The following AMIGO3 variants were observed in gnomAD, a reference collection of about 807,000 sequenced individuals.
AMIGO3 encodes the protein amphoterin-induced protein 3.
Under a neutral mutation model 4.3 loss-of-function variants are expected in AMIGO3, and 6 were observed. The ratio of observed to expected loss-of-function variants is 1.39; its 90% CI spans 0.76 to 2.75. The LOEUF (loss-of-function observed/expected upper bound fraction) is 2.75, where lower values mean the gene tolerates loss of function less well. Among genes scored for constraint, AMIGO3 ranks in the 30% most tolerant of loss-of-function variants. The pLI is 0.00. For synonymous variants in AMIGO3, 315 were observed against 320.0 expected (o/e 0.98, Z 0.17); for missense variants, 771 against 692.1 (o/e 1.11, Z -1.28).
At position 49,719,055 on chromosome 3, in the gene AMIGO3, C is replaced by CGA. The variant is rs750209485; in HGVS notation, c.410_411insTC (p.Lys137AsnfsTer45). 6.2e-7 allele frequency: 1 copy of CGA among 1,613,864 alleles called. No individual in the cohort carries two copies. On this transcript the variant is annotated frameshift_variant, in exon 1 of 1. Coordinates refer to ENST00000320431, the MANE Select transcript of AMIGO3 (RefSeq NM_198722.3). LOFTEE classifies it low-confidence loss of function (END_TRUNC). ...CCAAGCGGTTATTGAACAGAAGCAGCTTCTCCAGCGCCCCCAGCCCGTCGA... is the reference window on the plus strand; with the variant it reads ...CCAAGCGGTTATTGAACAGAAGCAGCGATTCTCCAGCGCCCCCAGCCCGTCGA...
In AMIGO3 at chr3:49,719,173, T is replaced by G. The variant is rs918773646; in HGVS notation, c.293A>C (p.Asp98Ala). The change falls in exon 1 of 1, where the codon GAT (aspartate) becomes GCT (alanine). Residue 98 changes from aspartate to alanine, a missense_variant. Coordinates refer to ENST00000320431, the MANE Select transcript of AMIGO3 (RefSeq NM_198722.3). The stretch of plus-strand genomic sequence containing the variant: ...GACGAAGACGCCGCGACCCAGCGCA[T>G]CTAGTTCGTTGTGGTCTAGGTGCAG... ...RALHLDHNELDALGRGVFVNA... is the reference protein window; with the variant it reads ...RALHLDHNELAALGRGVFVNA... 2 of 1,613,424 alleles carry G rather than the reference T, an allele frequency of 1.2e-6. No individual in the cohort carries two copies. The highest frequency in any genetic ancestry group is 1.7e-5 in the Admixed American group (1 of 60,022).
At position 49,719,493 on chromosome 3, in the gene AMIGO3, G is replaced by A. The variant is rs2080339465; in HGVS notation, c.-28C>T. On this transcript the variant is annotated 5_prime_UTR_variant, in exon 1 of 1. Coordinates refer to ENST00000320431, the MANE Select transcript of AMIGO3 (RefSeq NM_198722.3). ...CGGCGACCACCAGGGACAGTACAGA[G>A]CAGCTCTGTGCAGGTTGCAGTTCCA... The A allele has an allele frequency of 1.3e-6, 2 of 1,558,580 alleles. No individual in the cohort carries two copies. The highest frequency in any genetic ancestry group is 1.7e-6 in the Non-Finnish European group (2 of 1,144,904).
At position 49,719,620 on chromosome 3, in the gene AMIGO3, G is replaced by T; in HGVS notation, c.-155C>A. 1 of 648,238 alleles carries T rather than the reference G, an allele frequency of 1.5e-6. No individual in the cohort carries two copies. Among genetic ancestry groups the T allele is most frequent in the Non-Finnish European group, 2.7e-6 (1 of 375,528 alleles). The allele number at this position is 648,238 out of a possible 1,614,324, so 40.2% of individuals were successfully genotyped here. A position where few individuals can be genotyped will look rare whatever the true frequency, so the allele number is the denominator to read the frequency against. ...GCCAGCCGACGGCCCCTACTCTCCG[G>T]TTCCCAGGTTGTGAGGCGGTGCGGC... On this transcript the variant is annotated 5_prime_UTR_variant, in exon 1 of 1. Transcript: ENST00000320431.
In AMIGO3 at chr3:49,719,276, C is replaced by T. The variant is rs1447394034; in HGVS notation, c.190G>A (p.Ala64Thr). Residue 64 changes from alanine to threonine, a missense_variant, in exon 1 of 1, where the codon GCG becomes ACG. Transcript: ENST00000320431. ...GCGTTGTGGCTCAGGTCGAGGTCCG[C>T]AGTAGCGGCAGGTAACTCGGCTGGC... The part of the protein sequence containing the change: ...DVPAELPAAT[A>T]DLDLSHNALQ... 1 of 1,613,424 alleles carries T rather than the reference C, an allele frequency of 6.2e-7. No individual in the cohort carries two copies. The highest frequency in any genetic ancestry group is 1.1e-5 in the South Asian group (1 of 91,076).
Position 49,718,260 on chromosome 3 carries a change from C to G in AMIGO3, c.1206G>C (p.Leu402=). 1.2e-6 allele frequency: 2 copies of G among 1,612,314 alleles called. No homozygotes were observed. The highest frequency in any genetic ancestry group is 8.5e-7 in the Non-Finnish European group (1 of 1,179,512). The change falls in exon 1 of 1, where the codon CTG becomes CTC. Residue 402 remains leucine (L), a synonymous_variant. Coordinates refer to ENST00000320431, the MANE Select transcript of AMIGO3 (RefSeq NM_198722.3). ...AVGLVLVLLY[L]FAPPCRCCRR... Reference sequence around the variant, plus strand: ...GGCAGCAGCGGCAGGGTGGGGCGAACAGGTAGAGCAGCACGAGCACAAGGC... The same window carrying G: ...GGCAGCAGCGGCAGGGTGGGGCGAAGAGGTAGAGCAGCACGAGCACAAGGC...
chr3:49,718,715 A>G lies in AMIGO3; in HGVS notation c.751T>C (p.Cys251Arg), dbSNP rs749887744. The G allele has an allele frequency of 9.3e-6, 15 of 1,612,868 alleles. No individual in the cohort carries two copies. Among genetic ancestry groups the G allele is most frequent in the Non-Finnish European group, 1.1e-5 (13 of 1,179,934 alleles). Residue 251 changes from cysteine (C) to arginine (R), a missense_variant, in exon 1 of 1, where the codon TGC (cysteine) becomes CGC (arginine). Physicochemically the swap from Cys to Arg is radical, Grantham distance 180. Transcript: ENST00000320431. ...GACGCGGGTACCTTGAAGGCCAAGC[A>G]TACGTACTCGCGCGCAAAGTCGCGC... ...AVRDFAREYV[C>R]LAFKVPASRV...
Position 49,718,743 on chromosome 3 carries a change from G to A in AMIGO3, c.723C>T (p.Ala241=). ...CGTACTCGCGCGCAAAGTCGCGCAC[G>A]GCGCTCAGGCCCCGCTGGTGCCAGC... is the stretch of plus-strand genomic sequence containing the variant. The part of the protein sequence containing the change: ...LQRWHQRGLS[A]VRDFAREYVC... Residue 241 remains alanine, a synonymous_variant, in exon 1 of 1, where the codon GCC becomes GCT. Transcript: ENST00000320431. 2 of 1,613,118 alleles carry A rather than the reference G, an allele frequency of 1.2e-6. No homozygotes were observed. The highest frequency in any genetic ancestry group is 1.7e-6 in the Non-Finnish European group (2 of 1,179,984).
rs2080272806 is a variant in AMIGO3 at position 49,717,545 on chromosome 3, CCT to C, written c.*404_*405del. 4.2e-6 allele frequency: 1 copy of C among 238,912 alleles called. No individual in the cohort carries two copies. The highest frequency in any genetic ancestry group is 2.3e-5 in the African/African-American group (1 of 43,588). 14.8% of individuals were successfully genotyped at this position (238,912 alleles called of 1,614,324 possible). On this transcript the variant is annotated 3_prime_UTR_variant, in exon 1 of 1. Transcript: ENST00000320431. ...CCACTCCTCGAGAGCTGTCTCAGCC[CCT>C]GAGGGTGGACGGGAGGCTCTGCTAC... is the stretch of plus-strand genomic sequence containing the variant.
chr3:49,717,566 CT>C lies in AMIGO3; in HGVS notation c.*384del. On this transcript the variant is annotated 3_prime_UTR_variant, in exon 1 of 1. Coordinates refer to ENST00000320431, the MANE Select transcript of AMIGO3 (RefSeq NM_198722.3). Reference sequence around the variant, plus strand: ...AGCCCCTGAGGGTGGACGGGAGGCTCTGCTACAGGGGTTCTTCCACAGGCTG... The same window carrying C: ...AGCCCCTGAGGGTGGACGGGAGGCTCGCTACAGGGGTTCTTCCACAGGCTG... 3.8e-6 allele frequency: 1 copy of C among 260,288 alleles called. No individual in the cohort carries two copies. The highest frequency in any genetic ancestry group is 1.0e-4 in the East Asian group (1 of 9,908). The allele number at this position is 260,288 out of a possible 1,614,324, so 16.1% of individuals were successfully genotyped here. A position where few individuals can be genotyped will look rare whatever the true frequency, so the allele number is the denominator to read the frequency against.
Position 49,718,164 on chromosome 3 carries a change from T to C in AMIGO3, c.1302A>G (p.Ser434=), listed in dbSNP as rs1336943847. Residue 434 remains serine, a synonymous_variant, in exon 1 of 1, where the codon TCA becomes TCG. Coordinates refer to ENST00000320431, the MANE Select transcript of AMIGO3 (RefSeq NM_198722.3). ...CGTCTGGCGGTGTGGTGCTGAGTAC[T>C]GAGGACTGTGCGCTCAGCTCTTGGA... ...SPLQELSAQS[S]VLSTTPPDAP... is the part of the protein sequence containing the mutation. 1 of 1,613,180 alleles carries C rather than the reference T, an allele frequency of 6.2e-7. No homozygotes were observed. Among genetic ancestry groups the C allele is most frequent in the Non-Finnish European group, 8.5e-7 (1 of 1,180,016 alleles).
rs2080328319 is a variant in AMIGO3 at position 49,719,197 on chromosome 3, AGGG to A, written c.266_268del (p.Ala89_Leu90delinsVal). The A allele has an allele frequency of 6.2e-7, 1 of 1,613,232 alleles. No individual in the cohort carries two copies. Among genetic ancestry groups the A allele is most frequent in the African/African-American group, 1.3e-5 (1 of 74,942 alleles). On this transcript the variant is annotated inframe_deletion, in exon 1 of 1. Transcript: ENST00000320431. ...ATCTAGTTCGTTGTGGTCTAGGTGC[AGGG>A]CGCGCAGCTGGAAGAGGGGCGCCAA...
rs1559690746 is a variant in AMIGO3 at position 49,718,418 on chromosome 3, A to AGAG, written c.1045_1047dup (p.Leu349dup). On this transcript the variant is annotated inframe_insertion, in exon 1 of 1. Coordinates refer to ENST00000320431, the MANE Select transcript of AMIGO3 (RefSeq NM_198722.3). Reference sequence around the variant, plus strand: ...CGGGGCCCAGTGGCCAGGCACACGAAGAGTCCCGCATGCTGCTCCTGTACG... The same window carrying AGAG: ...CGGGGCCCAGTGGCCAGGCACACGAAGAGGAGTCCCGCATGCTGCTCCTGTACG... 6.2e-7 allele frequency: 1 copy of AGAG among 1,613,018 alleles called. No homozygotes were observed. The highest frequency in any genetic ancestry group is 8.5e-7 in the Non-Finnish European group (1 of 1,179,926).
In AMIGO3 at chr3:49,719,587, G is replaced by A. The variant is rs538106973; in HGVS notation, c.-122C>T. The A allele has an allele frequency of 4.6e-6, 4 of 867,930 alleles. No homozygotes were observed. In the African/African-American group the frequency reaches 6.8e-5, roughly 15 times the overall value. The allele number at this position is 867,930 out of a possible 1,614,324, so 53.8% of individuals were successfully genotyped here. A position where few individuals can be genotyped will look rare whatever the true frequency, so the allele number is the denominator to read the frequency against. On this transcript the variant is annotated 5_prime_UTR_variant, in exon 1 of 1. Transcript: ENST00000320431. ...ATGGCCCTTGCCGAGGAGGCACGGCGGGTTCTTGCCAGCCGACGGCCCCTA... is the reference window on the plus strand; with the variant it reads ...ATGGCCCTTGCCGAGGAGGCACGGCAGGTTCTTGCCAGCCGACGGCCCCTA...
In AMIGO3 at chr3:49,719,596, C is replaced by G. The variant is rs1021252975; in HGVS notation, c.-131G>C. ...GCCGAGGAGGCACGGCGGGTTCTTG[C>G]CAGCCGACGGCCCCTACTCTCCGGT... On this transcript the variant is annotated 5_prime_UTR_variant, in exon 1 of 1. Coordinates refer to ENST00000320431, the MANE Select transcript of AMIGO3 (RefSeq NM_198722.3). 6 of 761,346 alleles carry G rather than the reference C, an allele frequency of 7.9e-6. No homozygotes were observed. The highest frequency in any genetic ancestry group is 5.3e-5 in the African/African-American group (3 of 56,198). The allele number at this position is 761,346 out of a possible 1,614,324, so 47.2% of individuals were successfully genotyped here.
rs1263809572 is a variant in AMIGO3, at chr3:49,718,155, G to A, written c.1311C>T (p.Ser437=). 4 of 1,613,110 alleles carry A rather than the reference G, an allele frequency of 2.5e-6. No homozygotes were observed. The highest frequency in any genetic ancestry group is 4.5e-5 in the East Asian group (2 of 44,892). ...QELSAQSSVL[S]TTPPDAPSRK... is the part of the protein sequence containing the mutation. ...GGCTGGGTGCGTCTGGCGGTGTGGT[G>A]CTGAGTACTGAGGACTGTGCGCTCA... The change falls in exon 1 of 1, where the codon AGC becomes AGT. Residue 437 remains serine, a synonymous_variant. Transcript: ENST00000320431.
At position 49,717,488 on chromosome 3, in the gene AMIGO3, A is replaced by C; in HGVS notation, c.*463T>G. On this transcript the variant is annotated 3_prime_UTR_variant, in exon 1 of 1. Transcript: ENST00000320431. ...CCCACTCCCTCCCACCCCCTTGGGAAGGGGAGGTGGCCCTGCGTCAGCTCT... is the reference window on the plus strand; with the variant it reads ...CCCACTCCCTCCCACCCCCTTGGGACGGGGAGGTGGCCCTGCGTCAGCTCT... 2 of 176,276 alleles carry C rather than the reference A, an allele frequency of 1.1e-5. No homozygotes were observed. The highest frequency in any genetic ancestry group is 1.2e-5 in the Non-Finnish European group (1 of 81,406). 10.9% of individuals were successfully genotyped at this position (176,276 alleles called of 1,614,324 possible). A position where few individuals can be genotyped will look rare whatever the true frequency, so the allele number is the denominator to read the frequency against.
At position 49,718,003 on chromosome 3, in the gene AMIGO3, G is replaced by C; in HGVS notation, c.1463C>G (p.Ala488Gly). Residue 488 changes from alanine to glycine, a missense_variant, in exon 1 of 1, where the codon GCT becomes GGT. Transcript: ENST00000320431. ...TATGGAGCTGGCGGACTCAGAGCCA[G>C]CCTTCAGCTGCAGGCCTCCAGGGTT... ...LYNPGGLQLK[A>G]GSESASSIGS... The C allele has an allele frequency of 1.2e-6, 2 of 1,613,652 alleles. No individual in the cohort carries two copies. Among genetic ancestry groups the C allele is most frequent in the Non-Finnish European group, 1.7e-6 (2 of 1,180,034 alleles).
Position 49,718,214 on chromosome 3 carries a change from GGCGGCA to G in AMIGO3, c.1246_1251del (p.Cys416_Arg417del). ...AGCGGGCTGGGTGTTTGGGGCCAGCGGCGGCAGCGGCAGGCACGGCGGCAGCAGCGG... is the reference window on the plus strand; with the variant it reads ...AGCGGGCTGGGTGTTTGGGGCCAGCGGCGGCAGGCACGGCGGCAGCAGCGG... On this transcript the variant is annotated inframe_deletion, in exon 1 of 1. Coordinates refer to ENST00000320431, the MANE Select transcript of AMIGO3 (RefSeq NM_198722.3). The G allele has an allele frequency of 1.9e-6, 3 of 1,610,754 alleles. No individual in the cohort carries two copies. Among genetic ancestry groups the G allele is most frequent in the South Asian group, 2.2e-5 (2 of 89,570 alleles).
chr3:49,718,258 A>G lies in AMIGO3; in HGVS notation c.1208T>C (p.Phe403Ser), dbSNP rs774796110. The change falls in exon 1 of 1, where the codon TTC becomes TCC. Residue 403 changes from phenylalanine (F) to serine (S), a missense_variant. Coordinates refer to ENST00000320431, the MANE Select transcript of AMIGO3 (RefSeq NM_198722.3). ...GCGGCAGCAGCGGCAGGGTGGGGCGAACAGGTAGAGCAGCACGAGCACAAG... is the reference window on the plus strand; with the variant it reads ...GCGGCAGCAGCGGCAGGGTGGGGCGGACAGGTAGAGCAGCACGAGCACAAG... ...VGLVLVLLYL[F>S]APPCRCCRRA... The G allele has an allele frequency of 2.5e-6, 4 of 1,612,140 alleles. No individual in the cohort carries two copies. Among genetic ancestry groups the G allele is most frequent in the Admixed American group, 1.7e-5 (1 of 59,950 alleles).
Sources: gnomAD v4.1 joint callset for allele counts on GRCh38, gnomAD v4.1.1 for gene constraint, MANE v1.5 for transcripts, NCBI Gene and HGNC (gene_info 2026-07-23, HGNC 2026-07-21) for gene names.